The following PLEKHM3 variants were observed in gnomAD, a reference collection of about 807,000 sequenced individuals.
PLEKHM3 encodes the protein pleckstrin homology domain-containing family M member 3.
A neutral mutation model predicts 81.8 loss-of-function variants in PLEKHM3; 45 were observed. The ratio of observed to expected loss-of-function variants is 0.55; its 90% CI spans 0.43 to 0.71. PLEKHM3 has a LOEUF of 0.71. Ranked by LOEUF, PLEKHM3 falls within the 30% of genes least tolerant of loss-of-function variation. The pLI is 0.00. For synonymous variants in PLEKHM3, 352 were observed against 356.4 expected (o/e 0.99, Z 0.14); for missense variants, 788 against 924.3 (o/e 0.85, Z 1.91).
chr2:207,990,304 AC>A (rs1269664326), intron 2 of PLEKHM3, among the ~76,000 whole-genome samples: 1 of 152,020 alleles, frequency 6.6e-6, no homozygotes, highest in Non-Finnish European at 1.5e-5. Flanking sequence ...TCCAAAATGT[AC>A]CCCTGTTCTA....
chr2:207,932,182 G>C (rs770648413), intron 4 of PLEKHM3, among the ~76,000 whole-genome samples: 13 of 152,080 alleles, frequency 8.5e-5, no homozygotes, highest in Non-Finnish European at 1.5e-4. Context: ...TATTCACCTT[G>C]AGTGGTAATC....
chr2:207,884,672 A>G (rs992776019), intron 6 of PLEKHM3, among the ~76,000 whole-genome samples: 1 of 152,208 alleles, frequency 6.6e-6, no homozygotes, highest in Admixed American at 6.5e-5. Flanking sequence ...TTCAACATAA[A>G]GATGATGTAT....
In PLEKHM3 at chr2:208,001,391, G is replaced by C; in HGVS notation, c.249C>G (p.Thr83=). 6.2e-7 allele frequency: 1 copy of C among 1,614,160 alleles called. No homozygotes were observed. The highest frequency in any genetic ancestry group is 1.1e-5 in the South Asian group (1 of 91,076). ...TGGCAGGGAAGACATTTTGAGCTTT[G>C]GTTTCTAAGAGCCTGCTCTTACAGT... The part of the protein sequence containing the change: ...WDHCKSRLLE[T]KAQNVFPAKE... The change falls in exon 2 of 8, where the codon ACC becomes ACG. Residue 83 remains threonine, a synonymous_variant. Coordinates refer to ENST00000427836, the MANE Select transcript of PLEKHM3 (RefSeq NM_001080475.3).
chr2:207,946,394 G>A lies in PLEKHM3; in HGVS notation c.1665C>T (p.Val555=). 6.2e-7 allele frequency: 1 copy of A among 1,614,082 alleles called. No homozygotes were observed. Among genetic ancestry groups the A allele is most frequent in the Middle Eastern group, 1.6e-4 (1 of 6,062 alleles). The part of the protein sequence containing the change: ...DDSFLIPARI[V]HNWDTSKYKV... ...TATACTTTGAAGTATCCCAGTTGTG[G>A]ACTATGCGTGCTGGAATGAGAAAGC... Residue 555 remains valine, a synonymous_variant, in exon 4 of 8, where the codon GTC becomes GTT. Transcript: ENST00000427836.
intron 7 of PLEKHM3, among the ~76,000 whole-genome samples, chr2:207,842,231 GC>G (rs1469688143): frequency 6.6e-6 from 1 of 152,280 alleles, no homozygotes; most frequent in African/African-American, 2.4e-5. Context: ...ACCGCGCCTG[GC>G]CCCCATCTTT....
intron 5 of PLEKHM3, among the ~76,000 whole-genome samples, chr2:207,929,230 A>C (rs1037369185): frequency 1.3e-5 from 2 of 152,208 alleles, no homozygotes; most frequent in African/African-American, 4.8e-5. Flanking sequence ...TAGAACTCCC[A>C]TTTCTTTCCT....
rs1050372563 is a variant in PLEKHM3 at position 208,025,431 on chromosome 2, A to C, written c.-361T>G. ...CTCTCCATTCACCTGCGGGGCCTTCAGTCCGCTCCTGGAGGGGCTTGACTC... is the reference window on the plus strand; with the variant it reads ...CTCTCCATTCACCTGCGGGGCCTTCCGTCCGCTCCTGGAGGGGCTTGACTC... On this transcript the variant is annotated 5_prime_UTR_variant, in exon 1 of 8. Coordinates refer to ENST00000427836, the MANE Select transcript of PLEKHM3 (RefSeq NM_001080475.3). The C allele has an allele frequency of 1.3e-5, 2 of 152,250 alleles. No individual in the cohort carries two copies. Among genetic ancestry groups the C allele is most frequent in the African/African-American group, 4.8e-5 (2 of 41,424 alleles). 9.4% of individuals were successfully genotyped at this position (152,250 alleles called of 1,614,324 possible).
At position 207,845,473 on chromosome 2, in the gene PLEKHM3, C is replaced by T. The variant is rs2092377357; in HGVS notation, c.2108+15632G>A. 2.0e-5 allele frequency among the ~76,000 whole-genome samples: 3 copies of T among 152,196 alleles called. No homozygotes were observed. The South Asian group carries it at 6.2e-4, about 32-fold the overall frequency. ...GAAAAAGCACATGCTAAAAACCGAC[C>T]TAAAAGATGTTTTGAAAATGAAATT... On this transcript the variant is annotated intron_variant, in intron 7 of 7. Coordinates refer to ENST00000427836, the MANE Select transcript of PLEKHM3 (RefSeq NM_001080475.3).
intron 4 of PLEKHM3, among the ~76,000 whole-genome samples, chr2:207,944,688 C>T (rs1218208684): frequency 1.3e-5 from 2 of 152,140 alleles, no homozygotes; most frequent in African/African-American, 4.8e-5. Flanking sequence ...AACATCACAT[C>T]GAAGTACCTA....
At chr2:207,932,332 A>G (rs1689623434) in intron 4 of PLEKHM3, among the ~76,000 whole-genome samples, 1 of 152,240 alleles carries the variant, frequency 6.6e-6, no homozygotes, top group Admixed American at 6.5e-5. Flanking sequence ...GTAATTTTTC[A>G]GAATCTCTAC....
chr2:207,902,270 G>A (rs777010810), intron 6 of PLEKHM3, among the ~76,000 whole-genome samples: 10 of 152,200 alleles, frequency 6.6e-5, no homozygotes, highest in Non-Finnish European at 8.8e-5. Flanking sequence ...CTGTGAGAGC[G>A]TCCATAGAGA....
At chr2:207,933,236 A>G (rs1429064678) in intron 4 of PLEKHM3, among the ~76,000 whole-genome samples, 1 of 152,182 alleles carries the variant, frequency 6.6e-6, no homozygotes, top group African/African-American at 2.4e-5. Context: ...GCATCTATTA[A>G]TAGACACAGG....
chr2:207,905,463 C>T (rs1004459202), intron 6 of PLEKHM3, among the ~76,000 whole-genome samples: 3 of 152,198 alleles, frequency 2.0e-5, no homozygotes, highest in African/African-American at 7.2e-5. Flanking sequence ...CAAAGCAATG[C>T]TATTTTTTGT....
chr2:207,983,209 G>A (rs918020408), intron 2 of PLEKHM3, among the ~76,000 whole-genome samples: 2 of 151,960 alleles, frequency 1.3e-5, no homozygotes, highest in African/African-American at 2.4e-5. Context: ...CAGCCACCAC[G>A]CCCAGCTAAT....
chr2:208,007,786 T>C (rs895225778), intron 1 of PLEKHM3, among the ~76,000 whole-genome samples: 4 of 152,012 alleles, frequency 2.6e-5, no homozygotes, highest in Non-Finnish European at 4.4e-5. Flanking sequence ...CCGGGCGCAG[T>C]GGCTCATGCC....
chr2:207,871,474 G>T (rs1037637493), intron 6 of PLEKHM3, among the ~76,000 whole-genome samples: 1 of 152,086 alleles, frequency 6.6e-6, no homozygotes, highest in African/African-American at 2.4e-5. Context: ...ATTTATGAGT[G>T]GCCACCATCA....
intron 3 of PLEKHM3, among the ~76,000 whole-genome samples, chr2:207,966,378 A>AT (rs1362663105): frequency 2.0e-5 from 3 of 152,128 alleles, no homozygotes; most frequent in Admixed American, 6.5e-5. Context: ...CACTCTGCAT[A>AT]TTTTTGTTAC....
chr2:207,928,731 T>C (rs1422819944), intron 5 of PLEKHM3, among the ~76,000 whole-genome samples: 1 of 152,210 alleles, frequency 6.6e-6, no homozygotes, highest in Non-Finnish European at 1.5e-5. Flanking sequence ...AGGGAAGAAA[T>C]GTTAGGCTAG....
intron 6 of PLEKHM3, among the ~76,000 whole-genome samples, chr2:207,878,356 C>T (rs866943870): frequency 1.4e-4 from 21 of 152,138 alleles, no homozygotes; most frequent in African/African-American, 3.9e-4. Flanking sequence ...CGCCTGTAAT[C>T]TCACCACTTT....
Sources: allele counts gnomAD v4.1 joint callset (sites outside exome capture counted in the v4.1 genomes callset), GRCh38; gene constraint gnomAD v4.1.1; transcripts MANE v1.5; gene names NCBI Gene and HGNC (gene_info 2026-07-23, HGNC 2026-07-21).